The following JAKMIP3 variants were observed in gnomAD, a reference collection of about 807,000 sequenced individuals.
JAKMIP3 encodes janus kinase and microtubule-interacting protein 3.
Under a neutral mutation model 118.5 loss-of-function variants are expected in JAKMIP3, and 58 were observed. The observed-to-expected ratio is 0.49, with a 90% CI of 0.40 to 0.61. JAKMIP3 has a LOEUF of 0.61. Ranked by LOEUF, JAKMIP3 falls within the 20% of genes least tolerant of loss-of-function variation. The pLI is 0.00. For synonymous variants in JAKMIP3, 486 were observed against 451.2 expected, an observed-to-expected ratio of 1.08 and a Z score of -0.98; for missense variants, 950 against 1,109.0, an observed-to-expected ratio of 0.86 and a Z score of 2.04.
chr10:132,172,416 T>C (rs1265550787), intron 23 of JAKMIP3, among the ~76,000 whole-genome samples: 1 of 152,026 alleles, frequency 6.6e-6, no homozygotes, highest in African/African-American at 2.4e-5. Flanking sequence ...TCGCCGAGAC[T>C]GAAAACACCA....
intron 3 of JAKMIP3, among the ~76,000 whole-genome samples, chr10:132,121,697 G>A (rs1258998333): frequency 1.3e-5 from 2 of 152,324 alleles, no homozygotes; most frequent in East Asian, 1.9e-4. Flanking sequence ...TGGGGATAGA[G>A]CACTGTGGAC....
intron 11 of JAKMIP3, among the ~76,000 whole-genome samples, chr10:132,143,406 C>CAGGAGCTGG (rs2053968078): frequency 6.6e-6 from 1 of 152,114 alleles, no homozygotes; most frequent in African/African-American, 2.4e-5. Context: ...CCAAGCTCGC[C>CAGGAGCTGG]AGGAGCTGGA....
chr10:132,088,558 G>GT (rs1589782875), intron 1 of JAKMIP3, among the ~76,000 whole-genome samples: 1 of 152,186 alleles, frequency 6.6e-6, no homozygotes, highest in East Asian at 1.9e-4. Context: ...GGGGTTGTTT[G>GT]TTTTTTTCTT....
At chr10:132,113,294 G>A (rs913589346) in intron 2 of JAKMIP3, among the ~76,000 whole-genome samples, 2 of 152,252 alleles carry the variant, frequency 1.3e-5, no homozygotes, top group Non-Finnish European at 2.9e-5. Context: ...TGCTGATTGG[G>A]TGGAGAAGTG....
At chr10:132,155,186 G>T (rs1016592595) in intron 19 of JAKMIP3, among the ~76,000 whole-genome samples, 6 of 150,964 alleles carry the variant, frequency 4.0e-5, no homozygotes, top group Non-Finnish European at 8.9e-5. Flanking sequence ...GGTGATGATG[G>T]TGATCATGAT....
intron 11 of JAKMIP3, among the ~76,000 whole-genome samples, chr10:132,142,684 G>A (rs1003670381): frequency 1.2e-4 from 18 of 152,318 alleles, no homozygotes; most frequent in African/African-American, 4.3e-4. Flanking sequence ...TGGGTCGGGG[G>A]TCCTCTTGCC....
chr10:132,110,127 C>G (rs1172437969), intron 2 of JAKMIP3, among the ~76,000 whole-genome samples: 1 of 152,214 alleles, frequency 6.6e-6, no homozygotes, highest in East Asian at 1.9e-4. Flanking sequence ...CAATGGCCAG[C>G]CAGAGGAGCC....
Position 132,142,084 on chromosome 10 carries a change from T to G in JAKMIP3, c.1602+36T>G, listed in dbSNP as rs771381801. 6 of 1,568,950 alleles carry G rather than the reference T, an allele frequency of 3.8e-6. No homozygotes were observed. In the African/African-American group the frequency reaches 6.7e-5, roughly 18 times the overall value. Reference sequence around the variant, plus strand: ...CTTCCACCGCGCGTTCCGGCCCCCCTCGTGCCTTCCCGCTTGACCCCGTGG... The same window carrying G: ...CTTCCACCGCGCGTTCCGGCCCCCCGCGTGCCTTCCCGCTTGACCCCGTGG... On this transcript the variant is annotated intron_variant, in intron 11 of 23. Transcript: ENST00000684848.
chr10:132,180,608 TGTGTGTGC>T lies in JAKMIP3; in HGVS notation c.*1104-1741_*1104-1734del, dbSNP rs1386414494. Among the ~76,000 whole-genome samples, 6 of 28,422 alleles carry T rather than the reference TGTGTGTGC, an allele frequency of 2.1e-4. 2 individuals carry two copies. The highest frequency in any genetic ancestry group is 7.5e-4 in the African/African-American group (4 of 5,320). The allele number at this position is 28,422 out of a possible 152,430, so 18.6% of individuals were successfully genotyped here. On this transcript the variant is annotated intron_variant, in intron 23 of 23. Transcript: ENST00000684848. ...GCGCGTGTGTGTGTGCGTGCGCGTG[TGTGTGTGC>T]GTGTGTGTGCGTGTGTGCGTGCGTG...
intron 1 of JAKMIP3, among the ~76,000 whole-genome samples, chr10:132,092,368 A>G (rs186549351): frequency 0.012 from 1,789 of 152,278 alleles, 33 homozygotes; most frequent in African/African-American, 0.04. Flanking sequence ...GTGTTTTCCA[A>G]CTTGGTTCCA....
At chr10:132,110,015 T>A (rs2046604652) in intron 2 of JAKMIP3, among the ~76,000 whole-genome samples, 1 of 152,220 alleles carries the variant, frequency 6.6e-6, no homozygotes, top group Non-Finnish European at 1.5e-5. Context: ...TAACTAGGCC[T>A]GCAGCTGTGG....
intron 23 of JAKMIP3, among the ~76,000 whole-genome samples, chr10:132,177,328 C>T (rs937651015): frequency 6.6e-6 from 1 of 152,268 alleles, no homozygotes; most frequent in Non-Finnish European, 1.5e-5. Context: ...CAAAATGAAA[C>T]CAGGAACCCA....
chr10:132,040,234 C>CAG (rs1167853986), intron 1 of JAKMIP3, among the ~76,000 whole-genome samples: 2 of 152,194 alleles, frequency 1.3e-5, no homozygotes, highest in African/African-American at 2.4e-5. Flanking sequence ...CCACAGGGCA[C>CAG]AGAGGCAGCT....
intron 23 of JAKMIP3, among the ~76,000 whole-genome samples, chr10:132,180,652 CGTGTGCGTGTGTGCGTGTGTGT>C (rs2060967857): frequency 1.3e-3 from 11 of 8,674 alleles, no homozygotes; most frequent in Admixed American, 2.7e-3. Flanking sequence ...TGTGCGTGTG[CGTGTGCGTGTGTGCGTGTGTGT>C]GCGCGCGCGT....
intron 1 of JAKMIP3, among the ~76,000 whole-genome samples, chr10:132,048,919 C>T (rs2038016893): frequency 6.6e-6 from 1 of 152,052 alleles, no homozygotes; most frequent in Admixed American, 6.5e-5. Context: ...GGATTACAGG[C>T]GTGAGCCACC....
rs1029094173 is a variant in JAKMIP3, at chr10:132,117,284, C to T, written c.343C>T (p.Arg115Trp). Residue 115 changes from arginine to tryptophan, a missense_variant, in exon 3 of 24, where the codon CGG becomes TGG. By Grantham distance (101) the Arg-to-Trp change is moderately radical. Transcript: ENST00000684848. The surrounding 1 kb of genome is among the most constrained non-coding windows in gnomAD (Gnocchi z 8.6). ...CAAGATCAAGGACAACGAGAACCAG[C>T]GGCTGCAGGCACTGCTCAGTGCCCT... ...VIKIKDNENQ[R>W]LQALLSALRD... 1.9e-6 allele frequency: 3 copies of T among 1,613,804 alleles called. No individual in the cohort carries two copies. The highest frequency in any genetic ancestry group is 1.3e-5 in the African/African-American group (1 of 74,922).
At chr10:132,064,241 G>A (rs996667082), upstream of JAKMIP3, among the ~76,000 whole-genome samples, 6 of 152,188 alleles carry the variant, frequency 3.9e-5, no homozygotes, top group African/African-American at 7.2e-5. This position sits in a 1 kb window ranked among gnomAD's most constrained non-coding sequence, Gnocchi z 4.4. Flanking sequence ...TTACAACAGC[G>A]CCTGGCACGG....
At chr10:132,176,657 G>T (rs1311862572) in intron 23 of JAKMIP3, among the ~76,000 whole-genome samples, 1 of 152,140 alleles carries the variant, frequency 6.6e-6, no homozygotes, top group South Asian at 2.1e-4. Context: ...AATTGTGTTT[G>T]AAATCTTTGT....
chr10:132,131,537 T>A (rs937072469), intron 3 of JAKMIP3, among the ~76,000 whole-genome samples: 4 of 151,808 alleles, frequency 2.6e-5, no homozygotes, highest in African/African-American at 9.7e-5. Context: ...CTGTTCTTAG[T>A]GCCGGGGTAG....
Sources: gnomAD v4.1 joint callset for allele counts (sites outside exome capture counted in the v4.1 genomes callset) on GRCh38, gnomAD v4.1.1 for gene constraint, Gnocchi (gnomAD v3.1) non-coding constraint, MANE v1.5 for transcripts, NCBI Gene and HGNC (gene_info 2026-07-23, HGNC 2026-07-21) for gene names.